The following RAD51C variants were observed in gnomAD, a reference collection of about 807,000 sequenced individuals.
RAD51C encodes the protein DNA repair protein RAD51 homolog 3.
Under a neutral mutation model 45.0 loss-of-function variants are expected in RAD51C, and 42 were observed. The ratio of observed to expected loss-of-function variants is 0.93; its 90% CI spans 0.73 to 1.21. The LOEUF (loss-of-function observed/expected upper bound fraction) is 1.21, where lower values mean the gene tolerates loss of function less well. Among genes scored for constraint, RAD51C ranks in the 50% most tolerant of loss-of-function variants. RAD51C has a pLI of 0.00. For missense variants in RAD51C, 474 were observed against 452.2 expected (o/e 1.05, Z -0.44); for synonymous variants, 172 against 159.8 (o/e 1.08, Z -0.58).
intron 7 of RAD51C, among the ~76,000 whole-genome samples, chr17:58,726,765 G>A (rs1031537035): frequency 2.6e-5 from 4 of 152,044 alleles, no homozygotes; most frequent in African/African-American, 9.7e-5. Flanking sequence ...CACATTCAGG[G>A]TGGTATGGCT....
chr17:58,720,338 C>A (rs2048871945), intron 5 of RAD51C, among the ~76,000 whole-genome samples: 1 of 150,858 alleles, frequency 6.6e-6, no homozygotes, highest in Non-Finnish European at 1.5e-5. Context: ...ATGGTGTGAA[C>A]CCAGGAGGCA....
At chr17:58,696,170 C>A (rs1016781553) in intron 2 of RAD51C, among the ~76,000 whole-genome samples, 1 of 151,938 alleles carries the variant, frequency 6.6e-6, no homozygotes, top group African/African-American at 2.4e-5. Context: ...CAGTGGCTGA[C>A]GCTTGTAATC....
chr17:58,709,406 T>G (rs1211785332), intron 4 of RAD51C, among the ~76,000 whole-genome samples: 2 of 152,160 alleles, frequency 1.3e-5, no homozygotes, highest in East Asian at 3.8e-4. Flanking sequence ...GTTGAGAAAT[T>G]ATCAAAGCAG....
At chr17:58,712,674 G>T (rs915772838) in intron 5 of RAD51C, among the ~76,000 whole-genome samples, 1 of 151,938 alleles carries the variant, frequency 6.6e-6, no homozygotes, top group African/African-American at 2.4e-5. Flanking sequence ...CAAAAAAGTA[G>T]CTAGGCTTGA....
At chr17:58,707,669 A>T (rs1040776066) in intron 4 of RAD51C, among the ~76,000 whole-genome samples, 17 of 152,110 alleles carry the variant, frequency 1.1e-4, no homozygotes, top group Non-Finnish European at 2.2e-4. Flanking sequence ...TGCTTCTCTC[A>T]CTACCTAACC....
intron 3 of RAD51C, among the ~76,000 whole-genome samples, chr17:58,700,424 G>T (rs1027229822): frequency 2.0e-5 from 3 of 152,008 alleles, no homozygotes; most frequent in Non-Finnish European, 4.4e-5. Flanking sequence ...AGGATATAAA[G>T]TTTTTATTTT....
At chr17:58,732,295 C>G in intron 7 of RAD51C, 189 bp from the exon 8 acceptor site, 1 of 481,200 alleles carries the variant, frequency 2.1e-6, no homozygotes. Context: ...TTCATATAAA[C>G]TCTGTTATAT....
At chr17:58,696,555 A>G in intron 2 of RAD51C, 138 bp from the exon 3 acceptor site, 4 of 967,430 alleles carry the variant, frequency 4.1e-6, no homozygotes, top group Non-Finnish European at 6.5e-6. Context: ...ATGAAGAGTT[A>G]GACATTTCTG....
chr17:58,710,341 A>C lies in RAD51C; in HGVS notation c.837+351A>C, dbSNP rs371382867. 2.6e-4 allele frequency among the ~76,000 whole-genome samples: 39 copies of C among 147,954 alleles called. No homozygotes were observed. The East Asian group carries it at 6.5e-3, about 25-fold the overall frequency. ...CTAAAAAAAAAAAAAAAAAAAAAAA[A>C]CCAAAAATTAGCCCGGTGTGGTGGC... On this transcript the variant is annotated intron_variant, in intron 5 of 8. Coordinates refer to ENST00000337432, the MANE Select transcript of RAD51C (RefSeq NM_058216.3).
chr17:58,733,425 AAAAG>A (rs757380407), intron 8 of RAD51C, among the ~76,000 whole-genome samples: 6 of 152,212 alleles, frequency 3.9e-5, no homozygotes, highest in Non-Finnish European at 7.3e-5. Flanking sequence ...TTGGGGAAAA[AAAAG>A]AGAGAGAGAA....
chr17:58,711,194 T>C (rs1380432453), intron 5 of RAD51C, among the ~76,000 whole-genome samples: 1 of 152,190 alleles, frequency 6.6e-6, no homozygotes, highest in African/African-American at 2.4e-5. Flanking sequence ...TAGTTCCTTA[T>C]GTTTTTAACA....
At chr17:58,709,630 T>C in intron 4 of RAD51C, 1 of 408,986 alleles carries the variant, frequency 2.4e-6, no homozygotes, top group East Asian at 4.8e-5. Context: ...AATGTCTAAG[T>C]AAGTTGTTTT....
chr17:58,698,204 A>C, intron 3 of RAD51C, among the ~76,000 whole-genome samples: 1 of 130,878 alleles, frequency 7.6e-6, no homozygotes, highest in African/African-American at 2.9e-5. Context: ...TTTTTTTGAG[A>C]CAGGGTCTCA....
chr17:58,709,946 C>G lies in RAD51C; in HGVS notation c.793C>G (p.Leu265Val), dbSNP rs759072716. Residue 265 changes from leucine to valine, a missense_variant, in exon 5 of 9, where the codon CTA becomes GTA. By Grantham distance (32) the Leu-to-Val change is conservative. Transcript: ENST00000337432. ...TCTTCGTACTCGGTTATTAAATGGC[C>G]TAGCCCAGCAAATGATCAGCCTTGC... is the stretch of plus-strand genomic sequence containing the variant. Reference protein sequence around the residue: ...LSLRTRLLNGLAQQMISLANN... With the variant: ...LSLRTRLLNGVAQQMISLANN... The G allele has an allele frequency of 2.5e-6, 4 of 1,613,186 alleles. No individual in the cohort carries two copies. The South Asian group carries it at 4.4e-5, about 18-fold the overall frequency.
intron 3 of RAD51C, among the ~76,000 whole-genome samples, chr17:58,701,219 A>G (rs1431823557): frequency 8.3e-6 from 1 of 119,790 alleles, no homozygotes; most frequent in African/African-American, 3.2e-5. Context: ...TTTAAAATGC[A>G]GTAACTGGCC....
chr17:58,714,245 A>G (rs1045291568), intron 5 of RAD51C, among the ~76,000 whole-genome samples: 18 of 152,144 alleles, frequency 1.2e-4, no homozygotes, highest in Non-Finnish European at 1.9e-4. Context: ...TCGGCCTCCC[A>G]AAGTGCTGGG....
intron 3 of RAD51C, among the ~76,000 whole-genome samples, chr17:58,699,435 T>C (rs2143769773): frequency 6.6e-6 from 1 of 152,226 alleles, no homozygotes; most frequent in African/African-American, 2.4e-5. Context: ...TAAATGAGTG[T>C]AGTCAGCTGG....
In RAD51C at chr17:58,734,588, G is replaced by GTTTTTTTTTTTTTTTTTTTTTTTTTTT. The variant is rs34517797; in HGVS notation, c.*389_*390insTTTTTTTTTTTTTTTTTTTTTTTTTTT. 1 of 100,770 alleles carries GTTTTTTTTTTTTTTTTTTTTTTTTTTT rather than the reference G, an allele frequency of 9.9e-6. No individual in the cohort carries two copies. Among genetic ancestry groups the GTTTTTTTTTTTTTTTTTTTTTTTTTTT allele is most frequent in the Non-Finnish European group, 1.8e-5 (1 of 55,842 alleles). 6.2% of individuals were successfully genotyped at this position (100,770 alleles called of 1,614,324 possible). On this transcript the variant is annotated 3_prime_UTR_variant, in exon 9 of 9. Coordinates refer to ENST00000337432, the MANE Select transcript of RAD51C (RefSeq NM_058216.3). ...AAGAAACATATCATATTCTTATTGT[G>GTTTTTTTTTTTTTTTTTTTTTTTTTTT]TTTTTTTTTTTTTTTTTTTTTTTGG... is the stretch of plus-strand genomic sequence containing the variant.
At chr17:58,695,389 T>G in intron 2 of RAD51C, 200 bp downstream of exon 2, 1 of 1,334,226 alleles carries the variant, frequency 7.5e-7, no homozygotes, top group South Asian at 1.9e-5. Flanking sequence ...TATTCTGATG[T>G]GAAAAAGTGT....
Sources: gnomAD v4.1 joint callset for allele counts (sites outside exome capture counted in the v4.1 genomes callset) on GRCh38, gnomAD v4.1.1 for gene constraint, MANE v1.5 for transcripts, NCBI Gene and HGNC (gene_info 2026-07-23, HGNC 2026-07-21) for gene names.